The following EPHB2 variants were observed in gnomAD, a reference collection of about 807,000 sequenced individuals.
The protein encoded by EPHB2 is ephrin type-B receptor 2.
EPHB2 carries 18 observed loss-of-function variants against 96.4 expected under a neutral mutation model. That is an observed-to-expected ratio of 0.19 (90% CI 0.13 to 0.28). The LOEUF (loss-of-function observed/expected upper bound fraction) is 0.28. Ranked by LOEUF, EPHB2 falls within the 10% of genes least tolerant of loss-of-function variation. EPHB2 has a pLI of 1.00. For synonymous variants in EPHB2, 506 were observed against 534.1 expected, an observed-to-expected ratio of 0.95 and a Z score of 0.72; for missense variants, 989 against 1,355.4, an observed-to-expected ratio of 0.73 and a Z score of 4.25.
At position 22,733,403 on chromosome 1, in the gene EPHB2, A is replaced by G. The variant is rs1389320142; in HGVS notation, c.61+22360A>G. Among the ~76,000 whole-genome samples the G allele has an allele frequency of 6.6e-6, 1 of 152,178 alleles. No individual in the cohort carries two copies. The highest frequency in any genetic ancestry group is 1.5e-5 in the Non-Finnish European group (1 of 68,030). ...TTTCAGATGGGGAAACCAAGACCCA[A>G]AGAGGATAAGGACCTGTGCAAAGTC... On this transcript the variant is annotated intron_variant, in intron 1 of 15. Coordinates refer to ENST00000374630, the MANE Select transcript of EPHB2 (RefSeq NM_017449.5). This position sits in a 1 kb window ranked among gnomAD's most constrained non-coding sequence, Gnocchi z 4.6.
chr1:22,754,509 T>C (rs10917289), intron 1 of EPHB2, among the ~76,000 whole-genome samples: 140,649 of 151,866 alleles, frequency 0.93, 66,084 homozygotes, highest in East Asian at 1. Context: ...GGAGGACACC[T>C]GAGACCAGGG....
chr1:22,718,245 C>G (rs1484425501), intron 1 of EPHB2, among the ~76,000 whole-genome samples: 1 of 151,928 alleles, frequency 6.6e-6, no homozygotes, highest in Non-Finnish European at 1.5e-5. Context: ...TTCTCAAAGG[C>G]CCCCTCCCCA....
chr1:22,802,248 A>T (rs1644855117), intron 3 of EPHB2, among the ~76,000 whole-genome samples: 1 of 151,460 alleles, frequency 6.6e-6, no homozygotes, highest in African/African-American at 2.4e-5. Context: ...TCCCCATTTG[A>T]GGGTTGGAGG....
intron 3 of EPHB2, among the ~76,000 whole-genome samples, chr1:22,809,618 A>G (rs1644976101): frequency 6.6e-6 from 1 of 152,230 alleles, no homozygotes; most frequent in Non-Finnish European, 1.5e-5. Context: ...ACTGACTCCC[A>G]GCAAGGTTAG....
intron 3 of EPHB2, among the ~76,000 whole-genome samples, chr1:22,838,596 G>A (rs925237945): frequency 1.1e-4 from 16 of 152,246 alleles, no homozygotes; most frequent in Non-Finnish European, 1.9e-4. Flanking sequence ...AAGCTAGCAT[G>A]TAGCTCCTGT....
At chr1:22,742,109 G>A (rs940261778) in intron 1 of EPHB2, among the ~76,000 whole-genome samples, 5 of 152,134 alleles carry the variant, frequency 3.3e-5, no homozygotes, top group African/African-American at 7.2e-5. Flanking sequence ...GCCAGCATCC[G>A]ACCCAGGCCC....
intron 3 of EPHB2, among the ~76,000 whole-genome samples, chr1:22,834,831 G>A: frequency 6.6e-6 from 1 of 151,902 alleles, no homozygotes. Flanking sequence ...AGGCTGAGGT[G>A]GGAGAATCAC....
intron 1 of EPHB2, among the ~76,000 whole-genome samples, chr1:22,743,616 C>T (rs969399898): frequency 6.6e-6 from 1 of 152,106 alleles, no homozygotes; most frequent in Non-Finnish European, 1.5e-5. Context: ...GGATTATAGG[C>T]ACGCACCACC....
At chr1:22,889,545 C>T (rs1490633097) in intron 6 of EPHB2, among the ~76,000 whole-genome samples, 3 of 152,150 alleles carry the variant, frequency 2.0e-5, no homozygotes, top group Non-Finnish European at 2.9e-5. Context: ...ATGAGCAAGA[C>T]ATGGTCCCTG....
At chr1:22,853,647 G>A (rs1645657146) in intron 3 of EPHB2, among the ~76,000 whole-genome samples, 1 of 152,272 alleles carries the variant, frequency 6.6e-6, no homozygotes, top group Non-Finnish European at 1.5e-5. Flanking sequence ...ATGAGGCAGA[G>A]GGAACTGCCT....
At chr1:22,787,788 G>A (rs562041721) in intron 3 of EPHB2, among the ~76,000 whole-genome samples, 6 of 152,288 alleles carry the variant, frequency 3.9e-5, no homozygotes, top group African/African-American at 1.2e-4. Context: ...TGAGGGTCAG[G>A]AATCCAGGTG....
intron 5 of EPHB2, among the ~76,000 whole-genome samples, chr1:22,867,988 C>A (rs921817485): frequency 6.6e-6 from 1 of 152,194 alleles, no homozygotes; most frequent in African/African-American, 2.4e-5. Flanking sequence ...ACCCAGGCCC[C>A]CAAAGGGGGT....
intron 8 of EPHB2, 48 bp from the exon 9 acceptor site, chr1:22,896,366 C>T: frequency 7.4e-6 from 12 of 1,613,286 alleles, no homozygotes; most frequent in Non-Finnish European, 9.3e-6. Context: ...GCTCCCAGCT[C>T]CCTGGGCGCC....
In EPHB2 at chr1:22,770,822, A is replaced by G. The variant is rs140894692; in HGVS notation, c.62-10599A>G. Among the ~76,000 whole-genome samples the G allele has an allele frequency of 3.1e-3, 468 of 152,100 alleles. 4 individuals carry two copies. Among genetic ancestry groups the G allele is most frequent in the African/African-American group, 0.011 (441 of 41,470 alleles). Reference sequence around the variant, plus strand: ...ACATATGTGAGATACTAGTGGATGAACAGGTGGTAGAATACTGGGTGAGTG... The same window carrying G: ...ACATATGTGAGATACTAGTGGATGAGCAGGTGGTAGAATACTGGGTGAGTG... On this transcript the variant is annotated intron_variant, in intron 1 of 15. Transcript: ENST00000374630.
At chr1:22,780,640 A>C (rs1644515869) in intron 1 of EPHB2, among the ~76,000 whole-genome samples, 2 of 152,212 alleles carry the variant, frequency 1.3e-5, no homozygotes, top group Non-Finnish European at 2.9e-5. Flanking sequence ...TGAGAGTTTG[A>C]TGCAAGCTGA....
rs1643869966 is a variant in EPHB2 at position 22,738,612 on chromosome 1, CCATACTGCA to C, written c.61+27570_61+27578del. On this transcript the variant is annotated intron_variant, in intron 1 of 15. Coordinates refer to ENST00000374630, the MANE Select transcript of EPHB2 (RefSeq NM_017449.5). The stretch of plus-strand genomic sequence containing the variant: ...TTCCGTGTGCTTTCCTGTTCTAGGG[CCATACTGCA>C]ATTCAATCATTCATTATCGAGCCAT... Among the ~76,000 whole-genome samples the C allele has an allele frequency of 2.0e-5, 3 of 152,334 alleles. No individual in the cohort carries two copies. In the South Asian group the frequency reaches 6.2e-4, roughly 32 times the overall value.
intron 3 of EPHB2, among the ~76,000 whole-genome samples, chr1:22,838,791 C>T (rs925298675): frequency 5.3e-5 from 8 of 151,878 alleles, no homozygotes; most frequent in Middle Eastern, 3.2e-3. Context: ...ATTAGCCGGG[C>T]GTGGTGGCAG....
At chr1:22,885,884 G>C (rs912350135) in intron 6 of EPHB2, among the ~76,000 whole-genome samples, 2 of 152,196 alleles carry the variant, frequency 1.3e-5, no homozygotes, top group African/African-American at 2.4e-5. Context: ...GGTACAGAGA[G>C]GGACAGCTTG....
intron 1 of EPHB2, among the ~76,000 whole-genome samples, chr1:22,780,204 G>A (rs1258215430): frequency 2.0e-5 from 3 of 152,344 alleles, no homozygotes; most frequent in Non-Finnish European, 4.4e-5. Flanking sequence ...GCAAGGAAAG[G>A]GTAGAGGACA....
Sources: gnomAD v4.1 joint callset for allele counts (sites outside exome capture counted in the v4.1 genomes callset) on GRCh38, gnomAD v4.1.1 for gene constraint, Gnocchi (gnomAD v3.1) non-coding constraint, MANE v1.5 for transcripts, NCBI Gene and HGNC (gene_info 2026-07-23, HGNC 2026-07-21) for gene names.